USH2A: variants seen among roughly 807,000 people sequenced by gnomAD.
USH2A encodes usherin.
A neutral mutation model predicts 538.9 loss-of-function variants in USH2A; 443 were observed. The ratio of observed to expected loss-of-function variants is 0.82; its 90% CI spans 0.76 to 0.89. The LOEUF is 0.89. Among genes scored for constraint, USH2A ranks in the 40% least tolerant of loss-of-function variants. The pLI, the probability that USH2A is intolerant of heterozygous loss-of-function variation, is 0.00. For missense variants in USH2A, 6,633 were observed against 6,324.8 expected (o/e 1.05, Z -1.65); for synonymous variants, 2,413 against 2,273.5 (o/e 1.06, Z -1.75).
chr1:215,784,155 A>T (rs1372714178), intron 52 of USH2A, among the ~76,000 whole-genome samples: 1 of 152,070 alleles, frequency 6.6e-6, no homozygotes, highest in East Asian at 1.9e-4. Context: ...CTGCTTAGAA[A>T]ACCACATTTG....
intron 37 of USH2A, among the ~76,000 whole-genome samples, chr1:215,956,127 G>T (rs1431241179): frequency 1.3e-5 from 2 of 152,192 alleles, no homozygotes; most frequent in East Asian, 3.9e-4. Context: ...TAGGTAAAAT[G>T]GCTATATGTT....
At chr1:215,632,874 C>A (rs774529790) in intron 70 of USH2A, among the ~76,000 whole-genome samples, 6 of 152,270 alleles carry the variant, frequency 3.9e-5, no homozygotes, top group East Asian at 1.9e-4. Flanking sequence ...TGAACAGGAG[C>A]AAACAGCCCA....
chr1:216,203,289 T>C lies in USH2A; in HGVS notation c.3317-3168A>G, dbSNP rs924855381. 3.9e-5 allele frequency among the ~76,000 whole-genome samples: 6 copies of C among 152,088 alleles called. No individual in the cohort carries two copies. The South Asian group carries it at 1.2e-3, about 32-fold the overall frequency. ...CATATATATGTGTGTATATATACTGTTCTTTTTCCTATACATACATATCTA... is the reference window on the plus strand; with the variant it reads ...CATATATATGTGTGTATATATACTGCTCTTTTTCCTATACATACATATCTA... On this transcript the variant is annotated intron_variant, in intron 16 of 71. Coordinates refer to ENST00000307340, the MANE Select transcript of USH2A (RefSeq NM_206933.4).
At chr1:215,735,884 C>A (rs1343681791) in intron 60 of USH2A, among the ~76,000 whole-genome samples, 14 of 152,086 alleles carry the variant, frequency 9.2e-5, no homozygotes, top group Non-Finnish European at 1.5e-5. Context: ...TCTAGGATAA[C>A]TTTCTATTTT....
At chr1:215,992,823 G>A (rs1002249419) in intron 35 of USH2A, among the ~76,000 whole-genome samples, 197 bp downstream of exon 35, 1 of 152,110 alleles carries the variant, frequency 6.6e-6, no homozygotes, top group Non-Finnish European at 1.5e-5. Flanking sequence ...TCAAAAGGGA[G>A]CACTTTTGAG....
chr1:215,897,668 G>A (rs185644403), intron 40 of USH2A, among the ~76,000 whole-genome samples: 71 of 151,818 alleles, frequency 4.7e-4, no homozygotes, highest in African/African-American at 1.6e-3. Flanking sequence ...CAGCCTGGGC[G>A]ATAGAGTGAA....
chr1:216,045,305 AAC>A (rs1558228886), intron 32 of USH2A, among the ~76,000 whole-genome samples: 1 of 152,154 alleles, frequency 6.6e-6, no homozygotes, highest in Non-Finnish European at 1.5e-5. Context: ...TACAAATATA[AAC>A]ACAGTACAGG....
chr1:215,835,164 CAAAAAAAAAAAAA>C (rs34758891), intron 47 of USH2A, among the ~76,000 whole-genome samples: 2 of 56,120 alleles, frequency 3.6e-5, no homozygotes, highest in Admixed American at 2.5e-4. Flanking sequence ...AGTGATGCAC[CAAAAAAAAAAAAA>C]AAAAAAAAAA....
intron 61 of USH2A, among the ~76,000 whole-genome samples, chr1:215,682,676 C>T (rs2102673967): frequency 6.6e-6 from 1 of 151,636 alleles, no homozygotes. Context: ...GCATGCCTGG[C>T]ACAGAAAATT....
At chr1:216,282,377 TG>T (rs1459061216) in intron 11 of USH2A, among the ~76,000 whole-genome samples, 4 of 152,350 alleles carry the variant, frequency 2.6e-5, no homozygotes, top group African/African-American at 7.2e-5. Context: ...TTCAATATTT[TG>T]TTTAATTTGA....
chr1:215,980,263 G>A (rs183201199), intron 35 of USH2A, among the ~76,000 whole-genome samples: 183 of 152,184 alleles, frequency 1.2e-3, no homozygotes, highest in African/African-American at 4.1e-3. Flanking sequence ...TATTTTAGAT[G>A]AGAGAAATAG....
chr1:216,117,787 T>TAC (rs1327179700), intron 21 of USH2A, among the ~76,000 whole-genome samples: 1 of 150,412 alleles, frequency 6.6e-6, no homozygotes, highest in African/African-American at 2.4e-5. Flanking sequence ...CAGACACACA[T>TAC]ACACACACAG....
intron 15 of USH2A, among the ~76,000 whole-genome samples, chr1:216,216,826 CTT>C (rs774407374): frequency 2.0e-5 from 3 of 151,916 alleles, no homozygotes; most frequent in Non-Finnish European, 2.9e-5. Context: ...ATGAGTGAAA[CTT>C]AAAGTAGAAA....
intron 19 of USH2A, among the ~76,000 whole-genome samples, chr1:216,194,909 T>A (rs2034804598): frequency 6.6e-6 from 1 of 152,020 alleles, no homozygotes; most frequent in South Asian, 2.1e-4. Context: ...ACTTGGGACA[T>A]AACATGTAGT....
intron 32 of USH2A, among the ~76,000 whole-genome samples, chr1:216,044,385 T>C (rs1251303327): frequency 6.6e-6 from 1 of 152,138 alleles, no homozygotes; most frequent in African/African-American, 2.4e-5. Flanking sequence ...TATGTAAAAA[T>C]GTAATATATG....
intron 21 of USH2A, among the ~76,000 whole-genome samples, chr1:216,102,069 T>C (rs1384624694): frequency 2.6e-5 from 4 of 152,028 alleles, no homozygotes; most frequent in Non-Finnish European, 5.9e-5. Context: ...TAGACCATGT[T>C]AGAATTAACA....
At chr1:215,901,477 G>T in intron 38 of USH2A, 1 of 159,206 alleles carries the variant, frequency 6.3e-6, no homozygotes, top group Non-Finnish European at 1.4e-5. Context: ...GCTCACCCAT[G>T]AAAATATAAA....
chr1:216,273,007 CACA>C (rs2036604697), intron 11 of USH2A, among the ~76,000 whole-genome samples: 1 of 152,016 alleles, frequency 6.6e-6, no homozygotes, highest in Middle Eastern at 3.2e-3. Flanking sequence ...TAAACAGCAA[CACA>C]ACAACAGCAA....
intron 58 of USH2A, among the ~76,000 whole-genome samples, chr1:215,756,718 G>A (rs1660804292): frequency 6.6e-6 from 1 of 152,104 alleles, no homozygotes; most frequent in Admixed American, 6.5e-5. Flanking sequence ...GAAGTCAGGA[G>A]TTCGAGACGA....
Sources: gnomAD v4.1 joint callset for allele counts (sites outside exome capture counted in the v4.1 genomes callset) on GRCh38, gnomAD v4.1.1 for gene constraint, MANE v1.5 for transcripts, NCBI Gene and HGNC (gene_info 2026-07-23, HGNC 2026-07-21) for gene names.